The following SLC43A2 variants were observed in gnomAD, a reference collection of about 807,000 sequenced individuals.
The protein encoded by SLC43A2 is solute carrier family 43 member 2, also known as large neutral amino acids transporter small subunit 4.
SLC43A2 carries 38 observed loss-of-function variants against 63.2 expected under a neutral mutation model. The observed-to-expected ratio is 0.60, with a 90% confidence interval of 0.46 to 0.79. The LOEUF (loss-of-function observed/expected upper bound fraction) is 0.79. SLC43A2 is among the 30% of genes least tolerant of loss of function. The probability of loss-of-function intolerance (pLI) is 0.00; values close to 1 mark genes in which losing one functional copy is unlikely to be tolerated. For synonymous variants in SLC43A2, 322 were observed against 331.0 expected (o/e 0.97, Z 0.30); for missense variants, 644 against 756.2 (o/e 0.85, Z 1.74).
At chr17:1,581,536 C>T (rs1234493501) in intron 11 of SLC43A2, among the ~76,000 whole-genome samples, 1 of 152,200 alleles carries the variant, frequency 6.6e-6, no homozygotes, top group Non-Finnish European at 1.5e-5. Flanking sequence ...CAACGTACCT[C>T]AAGGCCTCCT....
In SLC43A2 at chr17:1,586,618, G is replaced by A. The variant is rs553212240; in HGVS notation, c.1079-567C>T. 5.3e-5 allele frequency among the ~76,000 whole-genome samples: 8 copies of A among 152,174 alleles called. No individual in the cohort carries two copies. The South Asian group carries it at 6.2e-4, about 12-fold the overall frequency. ...GCTACAAGGAGAATCACTTGAACCC[G>A]GGAGGTGAAGGTTGCAGTGAGCCAA... On this transcript the variant is annotated intron_variant, in intron 9 of 13. Transcript: ENST00000301335.
chr17:1,595,710 G>T (rs192124785), intron 5 of SLC43A2, among the ~76,000 whole-genome samples: 107 of 152,038 alleles, frequency 7.0e-4, no homozygotes, highest in Middle Eastern at 6.8e-3. Flanking sequence ...CTCCCAAAGT[G>T]CTGGGATTAC....
chr17:1,592,897 G>A (rs1164676812), intron 6 of SLC43A2, among the ~76,000 whole-genome samples: 1 of 152,164 alleles, frequency 6.6e-6, no homozygotes, highest in Non-Finnish European at 1.5e-5. Flanking sequence ...GAGGAGACGG[G>A]GGCAAGACTC....
In SLC43A2 at chr17:1,578,505, C is replaced by A; in HGVS notation, c.1351-182G>T. 1.8e-6 allele frequency: 1 copy of A among 543,262 alleles called. No individual in the cohort carries two copies. Among genetic ancestry groups the A allele is most frequent in the South Asian group, 2.5e-5 (1 of 39,426 alleles). 33.7% of individuals were successfully genotyped at this position (543,262 alleles called of 1,614,324 possible). ...TTTGCAAGCCAGTCGTTAACACAGT[C>A]ATTTTTTGTTTGTTTGTTTGTTTTG... is the stretch of plus-strand genomic sequence containing the variant. On this transcript the variant is annotated intron_variant, in intron 11 of 13. Coordinates refer to ENST00000301335, the MANE Select transcript of SLC43A2 (RefSeq NM_152346.3). The surrounding 1 kb of genome is among the most constrained non-coding windows in gnomAD (Gnocchi z 6.5).
At chr17:1,576,112 G>A (rs760861713) in intron 13 of SLC43A2, among the ~76,000 whole-genome samples, 11 of 132,294 alleles carry the variant, frequency 8.3e-5, no homozygotes, top group South Asian at 4.6e-4. Context: ...ACGAAGTCTC[G>A]CGCTGTCGTC....
chr17:1,629,148 C>T (rs565482942), upstream of SLC43A2, among the ~76,000 whole-genome samples: 4 of 152,234 alleles, frequency 2.6e-5, no homozygotes, highest in Admixed American at 2.0e-4. Flanking sequence ...GGCTGGGGCT[C>T]CGGCTCCGCG....
At chr17:1,599,992 T>C (rs1468608901) in intron 5 of SLC43A2, among the ~76,000 whole-genome samples, 43 of 122,982 alleles carry the variant, frequency 3.5e-4, no homozygotes, top group South Asian at 7.9e-4. Context: ...TGCAGTGAGC[T>C]GAGATTGCGC....
chr17:1,606,272 G>A lies in SLC43A2; in HGVS notation c.501+6923C>T, dbSNP rs1906606287. 6.6e-6 allele frequency among the ~76,000 whole-genome samples: 1 copy of A among 152,126 alleles called. No homozygotes were observed. Among genetic ancestry groups the A allele is most frequent in the Non-Finnish European group, 1.5e-5 (1 of 68,024 alleles). ...GCACTAAACTCCTGTCCCCTCTCTGGGGGCATCTGCCATCCTGCCCTCCTC... is the reference window on the plus strand; with the variant it reads ...GCACTAAACTCCTGTCCCCTCTCTGAGGGCATCTGCCATCCTGCCCTCCTC... On this transcript the variant is annotated intron_variant, in intron 5 of 13. Transcript: ENST00000301335. The surrounding 1 kb of genome is among the most constrained non-coding windows in gnomAD (Gnocchi z 4.7).
chr17:1,605,239 T>C lies in SLC43A2; in HGVS notation c.501+7956A>G. ...ACACAGGGAAGCCCGTGACTCTCTC[T>C]CTTTCAGCCCCCTGGCTGCAGCATA... is the stretch of plus-strand genomic sequence containing the variant. On this transcript the variant is annotated intron_variant, in intron 5 of 13. Coordinates refer to ENST00000301335, the MANE Select transcript of SLC43A2 (RefSeq NM_152346.3). This position sits in a 1 kb window ranked among gnomAD's most constrained non-coding sequence, Gnocchi z 4.9. 1 of 1,066,404 alleles carries C rather than the reference T, an allele frequency of 9.4e-7. No individual in the cohort carries two copies. Among genetic ancestry groups the C allele is most frequent in the Non-Finnish European group, 1.1e-6 (1 of 877,444 alleles). 66.1% of individuals were successfully genotyped at this position (1,066,404 alleles called of 1,614,324 possible).
At chr17:1,586,928 T>TGGCGCCCC in intron 9 of SLC43A2, 1 of 1,232,916 alleles carries the variant, frequency 8.1e-7, no homozygotes, top group African/African-American at 1.6e-5. Flanking sequence ...TCCCTGACAA[T>TGGCGCCCC]CCCCCCCACC....
intron 9 of SLC43A2, chr17:1,586,928 T>TGGGCCCCCCCCCCCCCCCCCCCC: frequency 4.1e-6 from 5 of 1,232,874 alleles, no homozygotes; most frequent in Non-Finnish European, 5.6e-6. Context: ...TCCCTGACAA[T>TGGGCCCCCCCCCCCCCCCCCCCC]CCCCCCCACC....
At chr17:1,591,762 G>A (rs1402543529) in intron 6 of SLC43A2, 63 bp from the exon 7 acceptor site, 2 of 1,307,574 alleles carry the variant, frequency 1.5e-6, no homozygotes, top group African/African-American at 2.9e-5. Flanking sequence ...GGGGAGGCCA[G>A]AGCCGCAGCA....
At chr17:1,615,232 C>T (rs1907485526) in intron 3 of SLC43A2, among the ~76,000 whole-genome samples, 198 bp from the exon 4 acceptor site, 1 of 151,898 alleles carries the variant, frequency 6.6e-6, no homozygotes, top group African/African-American at 2.4e-5. Flanking sequence ...CTCAGCCTCC[C>T]AAGTAGCTGG....
In SLC43A2 at chr17:1,571,547, G is replaced by A. The variant is rs1444105471; in HGVS notation, c.*4057C>T. ...CTGAACGTGATTGTGCTGCTGTCTG[G>A]GACAGTCTTATGCACGTGAGCCCAA... On this transcript the variant is annotated 3_prime_UTR_variant, in exon 14 of 14. Coordinates refer to ENST00000301335, the MANE Select transcript of SLC43A2 (RefSeq NM_152346.3). This position sits in a 1 kb window ranked among gnomAD's most constrained non-coding sequence, Gnocchi z 5.2. 6.6e-6 allele frequency: 1 copy of A among 152,242 alleles called. No individual in the cohort carries two copies. Among genetic ancestry groups the A allele is most frequent in the Non-Finnish European group, 1.5e-5 (1 of 68,070 alleles). The allele number at this position is 152,242 out of a possible 1,614,324, so 9.4% of individuals were successfully genotyped here.
chr17:1,580,933 G>A (rs549084724), intron 11 of SLC43A2, among the ~76,000 whole-genome samples: 14 of 152,038 alleles, frequency 9.2e-5, no homozygotes, highest in Non-Finnish European at 1.5e-4. Flanking sequence ...ACAGGGTGTC[G>A]CCATATTGCC....
intron 8 of SLC43A2, 81 bp from the exon 9 acceptor site, chr17:1,591,029 G>T: frequency 6.9e-7 from 1 of 1,458,834 alleles, no homozygotes. Context: ...CTCCACGCTG[G>T]AGGCCAGGAG....
chr17:1,627,493 C>T (rs930249218), intron 2 of SLC43A2, among the ~76,000 whole-genome samples: 4 of 152,212 alleles, frequency 2.6e-5, no homozygotes, highest in African/African-American at 4.8e-5. Flanking sequence ...GGCTCTGCGG[C>T]CTTGCGCAAG....
At chr17:1,594,141 C>A (rs1397456358) in intron 5 of SLC43A2, among the ~76,000 whole-genome samples, 1 of 152,110 alleles carries the variant, frequency 6.6e-6, no homozygotes, top group African/African-American at 2.4e-5. Flanking sequence ...TTCTGAATTT[C>A]TCAGTACAAG....
intron 5 of SLC43A2, among the ~76,000 whole-genome samples, chr17:1,611,455 T>C (rs1277700386): frequency 6.6e-6 from 1 of 151,652 alleles, no homozygotes. Flanking sequence ...GCCAACATGG[T>C]GAAACCCCGT....
Sources: gnomAD v4.1 joint callset for allele counts (sites outside exome capture counted in the v4.1 genomes callset) on GRCh38, gnomAD v4.1.1 for gene constraint, Gnocchi (gnomAD v3.1) non-coding constraint, MANE v1.5 for transcripts, NCBI Gene and HGNC (gene_info 2026-07-23, HGNC 2026-07-21) for gene names.